PRPF8: variants seen among roughly 807,000 people sequenced by gnomAD.
PRPF8 encodes pre-mRNA processing factor 8, also known as pre-mRNA-processing-splicing factor 8.
Under a neutral mutation model 285.9 loss-of-function variants are expected in PRPF8, and 64 were observed. That is an observed-to-expected ratio of 0.22 (90% CI 0.18 to 0.28). The LOEUF (loss-of-function observed/expected upper bound fraction) is 0.28, where lower values mean the gene tolerates loss of function less well. PRPF8 is among the 10% of genes least tolerant of loss of function. The pLI is 1.00. For missense variants in PRPF8, 1,426 were observed against 3,026.7 expected (o/e 0.47, Z 12.41); for synonymous variants, 1,325 against 1,118.2 (o/e 1.18, Z -3.69).
chr17:1,667,834 A>G (rs557298268), intron 24 of PRPF8, among the ~76,000 whole-genome samples: 1 of 151,966 alleles, frequency 6.6e-6, no homozygotes, highest in East Asian at 1.9e-4. Flanking sequence ...GAGCCACCGC[A>G]CCCGGCCTAT....
In PRPF8 at chr17:1,650,976, G is replaced by A. The variant is rs1447435773; in HGVS notation, c.6854-20C>T. On this transcript the variant is annotated intron_variant, in intron 42 of 42. Transcript: ENST00000304992. ...GAACACCTTCGGGGAGAAGGAAACAGCCAATGTTAACAGGGCTCCTGCCTC... is the reference window on the plus strand; with the variant it reads ...GAACACCTTCGGGGAGAAGGAAACAACCAATGTTAACAGGGCTCCTGCCTC... 1 of 1,614,056 alleles carries A rather than the reference G, an allele frequency of 6.2e-7. No individual in the cohort carries two copies. The highest frequency in any genetic ancestry group is 8.5e-7 in the Non-Finnish European group (1 of 1,180,046).
chr17:1,673,699 C>G lies in PRPF8; in HGVS notation c.3446+47G>C, dbSNP rs754645455. Reference sequence around the variant, plus strand: ...AGCCTCAGGTATGCCCTCTCTGGGCCCTTAGCTTATGTCCTTCCAGCTCAC... The same window carrying G: ...AGCCTCAGGTATGCCCTCTCTGGGCGCTTAGCTTATGTCCTTCCAGCTCAC... On this transcript the variant is annotated intron_variant, in intron 22 of 42. Coordinates refer to ENST00000304992, the MANE Select transcript of PRPF8 (RefSeq NM_006445.4). The surrounding 1 kb of genome is among the most constrained non-coding windows in gnomAD (Gnocchi z 5.5). 6 of 1,613,152 alleles carry G rather than the reference C, an allele frequency of 3.7e-6. No individual in the cohort carries two copies. Among genetic ancestry groups the G allele is most frequent in the Non-Finnish European group, 5.1e-6 (6 of 1,179,876 alleles).
intron 30 of PRPF8, 141 bp from the exon 31 acceptor site, chr17:1,660,142 G>A: frequency 8.9e-7 from 1 of 1,123,446 alleles, no homozygotes; most frequent in Non-Finnish European, 1.3e-6. Context: ...AGAGCAAGCT[G>A]AGCTGACTCT....
intron 28 of PRPF8, 76 bp from the exon 29 acceptor site, chr17:1,660,903 T>C: frequency 2.4e-5 from 39 of 1,612,540 alleles, no homozygotes; most frequent in Non-Finnish European, 3.1e-5. Flanking sequence ...GAGGTGGCTG[T>C]CTGGGAAACA....
rs374213138 is a variant in PRPF8, at chr17:1,660,465, C to T, written c.4752G>A (p.Lys1584=). The T allele has an allele frequency of 4.2e-5, 67 of 1,614,236 alleles. No individual in the cohort carries two copies. Among genetic ancestry groups the T allele is most frequent in the Middle Eastern group, 1.6e-4 (1 of 6,062 alleles). Residue 1584 remains lysine, a synonymous_variant, in exon 30 of 43, where the codon AAG becomes AAA. Coordinates refer to ENST00000304992, the MANE Select transcript of PRPF8 (RefSeq NM_006445.4). ...IQIFRAHLWQ[K]IHESIVMDLC... ...AGTCCATAACAATGCTCTCATGGAT[C>T]TTCTGCCACAAGTGAGCTCGGAAGA... is the stretch of plus-strand genomic sequence containing the variant.
rs1320728708 is a variant in PRPF8, at chr17:1,658,031, T to G, written c.5505+222A>C. Reference sequence around the variant, plus strand: ...TTGGAAAAATGATTTTTGATAGCCCTGTTCAAGGTTAGAAATTCAGGAAAC... The same window carrying G: ...TTGGAAAAATGATTTTTGATAGCCCGGTTCAAGGTTAGAAATTCAGGAAAC... On this transcript the variant is annotated intron_variant, in intron 34 of 42. Coordinates refer to ENST00000304992, the MANE Select transcript of PRPF8 (RefSeq NM_006445.4). This position sits in a 1 kb window ranked among gnomAD's most constrained non-coding sequence, Gnocchi z 4.1. Among the ~76,000 whole-genome samples, 1 of 150,872 alleles carries G rather than the reference T, an allele frequency of 6.6e-6. No homozygotes were observed. The highest frequency in any genetic ancestry group is 1.9e-4 in the East Asian group (1 of 5,154).
In PRPF8 at chr17:1,661,647, T is replaced by C; in HGVS notation, c.4166A>G (p.Tyr1389Cys). ...AATGGCCTCTTGCCTCTTGAGTGCGTACTCAGCCCAGACCCGCTGAGAATC... is the reference window on the plus strand; with the variant it reads ...AATGGCCTCTTGCCTCTTGAGTGCGCACTCAGCCCAGACCCGCTGAGAATC... Reference protein sequence around the residue: ...FIDSQRVWAEYALKRQEAIAQ... With the variant: ...FIDSQRVWAECALKRQEAIAQ... The change falls in exon 26 of 43, where the codon TAC becomes TGC. Residue 1389 changes from tyrosine (Y) to cysteine (C), a missense_variant. Around this residue, in one of 34 missense-constraint regions of PRPF8, gnomAD observed 40 missense variants for 121.6 expected, o/e 0.33. Transcript: ENST00000304992. This position sits in a 1 kb window ranked among gnomAD's most constrained non-coding sequence, Gnocchi z 7.3. 1 of 1,613,842 alleles carries C rather than the reference T, an allele frequency of 6.2e-7. No homozygotes were observed. The highest frequency in any genetic ancestry group is 8.5e-7 in the Non-Finnish European group (1 of 1,180,036).
In PRPF8 at chr17:1,682,368, C is replaced by A. The variant is rs1912975902; in HGVS notation, c.270-75G>T. 4 of 1,537,790 alleles carry A rather than the reference C, an allele frequency of 2.6e-6. No homozygotes were observed. In the Admixed American group the frequency reaches 5.0e-5, roughly 19 times the overall value. The stretch of plus-strand genomic sequence containing the variant: ...CTACCTGTCCCATGCAGAGAAGCCA[C>A]ATGTTCATGTTCCACAGTCCTACCT... On this transcript the variant is annotated intron_variant, in intron 3 of 42. Transcript: ENST00000304992.
At chr17:1,657,968 CTAAAA>C in intron 34 of PRPF8, among the ~76,000 whole-genome samples, 1 of 106,362 alleles carries the variant, frequency 9.4e-6, no homozygotes, top group African/African-American at 4.8e-5. Context: ...GAGACTCCGG[CTAAAA>C]AAAAAAAAAA....
At position 1,673,249 on chromosome 17, in the gene PRPF8, G is replaced by C; in HGVS notation, c.3658-52C>G. The C allele has an allele frequency of 6.2e-7, 1 of 1,605,716 alleles. No individual in the cohort carries two copies. Among genetic ancestry groups the C allele is most frequent in the South Asian group, 1.1e-5 (1 of 90,948 alleles). ...GTCCGAGGAACTCCCACAGAAGCAA[G>C]AGCCAACTGTGCCCACCACTCAAGT... On this transcript the variant is annotated intron_variant, in intron 23 of 42. Transcript: ENST00000304992. The surrounding 1 kb of genome is among the most constrained non-coding windows in gnomAD (Gnocchi z 5.5).
rs776402069 is a variant in PRPF8, at chr17:1,675,170, G to A, written c.3042C>T (p.Asn1014=). 57 of 1,613,792 alleles carry A rather than the reference G, an allele frequency of 3.5e-5. No homozygotes were observed. Among genetic ancestry groups the A allele is most frequent in the Non-Finnish European group, 4.2e-5 (49 of 1,180,050 alleles). ...NIADYMTAKN[N]VVINYKDMNH... The stretch of plus-strand genomic sequence containing the variant: ...GACGCACCTTATAGTTGATGACGAC[G>A]TTGTTCTTGGCTGTCATGTAGTCGG... The change falls in exon 20 of 43, where the codon AAC becomes AAT. Residue 1014 remains asparagine, a synonymous_variant. Coordinates refer to ENST00000304992, the MANE Select transcript of PRPF8 (RefSeq NM_006445.4). The surrounding 1 kb of genome is among the most constrained non-coding windows in gnomAD (Gnocchi z 6.0).
At chr17:1,684,438 C>T in intron 2 of PRPF8, 34 bp downstream of exon 2, 2 of 1,611,088 alleles carry the variant, frequency 1.2e-6, no homozygotes, top group Non-Finnish European at 1.7e-6. Flanking sequence ...CGCCCCGCCT[C>T]CGGCCCGCGC....
chr17:1,677,328 T>G lies in PRPF8; in HGVS notation c.1985-156A>C. On this transcript the variant is annotated intron_variant, in intron 14 of 42. Transcript: ENST00000304992. ...GCATATGCAAAAAGACGAGCTACCT[T>G]AAACATTCACAACTATGCTTCTGAG... The G allele has an allele frequency of 6.2e-6, 6 of 974,020 alleles. No individual in the cohort carries two copies. The South Asian group carries it at 6.8e-5, about 11-fold the overall frequency. The allele number at this position is 974,020 out of a possible 1,614,324, so 60.3% of individuals were successfully genotyped here.
Position 1,677,615 on chromosome 17 carries a change from G to A in PRPF8, c.1934C>T (p.Thr645Ile). The A allele has an allele frequency of 6.2e-7, 1 of 1,613,944 alleles. No homozygotes were observed. The highest frequency in any genetic ancestry group is 8.5e-7 in the Non-Finnish European group (1 of 1,179,994). The change falls in exon 14 of 43, where the codon ACC becomes ATC. Residue 645 changes from threonine (T) to isoleucine (I), a missense_variant. Coordinates refer to ENST00000304992, the MANE Select transcript of PRPF8 (RefSeq NM_006445.4). Reference protein sequence around the residue: ...RVWLFFMRGITPLLERWLGNL... With the variant: ...RVWLFFMRGIIPLLERWLGNL... ...GCCAAGCCATCGCTCTAATAAAGGG[G>A]TAATGCCACGCATGAAAAAGAGCCA...
chr17:1,681,437 T>G, intron 6 of PRPF8, 41 bp downstream of exon 6: 4 of 1,525,602 alleles, frequency 2.6e-6, no homozygotes, highest in Non-Finnish European at 3.6e-6. Flanking sequence ...TACGTTTCAT[T>G]CAACTCAAAA....
In PRPF8 at chr17:1,676,101, A is replaced by G. The variant is rs757236741; in HGVS notation, c.2553-47T>C. ...GTGAATGGGAAAACTAGGAGGAAGT[A>G]AAACCAGGAAAGACTGGGGCTACAC... On this transcript the variant is annotated intron_variant, in intron 17 of 42. Coordinates refer to ENST00000304992, the MANE Select transcript of PRPF8 (RefSeq NM_006445.4). This position sits in a 1 kb window ranked among gnomAD's most constrained non-coding sequence, Gnocchi z 6.3. 1.2e-6 allele frequency: 2 copies of G among 1,612,232 alleles called. No individual in the cohort carries two copies. The highest frequency in any genetic ancestry group is 2.7e-5 in the African/African-American group (2 of 74,862).
intron 24 of PRPF8, among the ~76,000 whole-genome samples, chr17:1,663,302 T>A (rs115893674): frequency 0.014 from 2,095 of 149,078 alleles, 47 homozygotes; most frequent in African/African-American, 0.048. Flanking sequence ...AAAAATAATT[T>A]AAAAAAAAAA....
At position 1,659,799 on chromosome 17, in the gene PRPF8, A is replaced by T. The variant is rs1597231446; in HGVS notation, c.4946+42T>A. 1 of 1,606,812 alleles carries T rather than the reference A, an allele frequency of 6.2e-7. No homozygotes were observed. The highest frequency in any genetic ancestry group is 1.3e-5 in the African/African-American group (1 of 74,900). On this transcript the variant is annotated intron_variant, in intron 31 of 42. Coordinates refer to ENST00000304992, the MANE Select transcript of PRPF8 (RefSeq NM_006445.4). This position sits in a 1 kb window ranked among gnomAD's most constrained non-coding sequence, Gnocchi z 5.1. ...GCAGGGCTAGAAGAACAGGAAAACG[A>T]AAGTGTCCTGGCTGCCTAGGGCTGG... is the stretch of plus-strand genomic sequence containing the variant.
intron 8 of PRPF8, chr17:1,680,507 A>C: frequency 3.2e-6 from 2 of 616,404 alleles, no homozygotes; most frequent in South Asian, 3.8e-5. Context: ...CACCCAAGAA[A>C]AGAACCGTAA....
Sources: allele counts gnomAD v4.1 joint callset (sites outside exome capture counted in the v4.1 genomes callset), GRCh38; gene constraint gnomAD v4.1.1; regional missense constraint gnomAD v4.1.1; non-coding constraint Gnocchi (gnomAD v3.1); transcripts MANE v1.5; gene names NCBI Gene and HGNC (gene_info 2026-07-23, HGNC 2026-07-21).